Variants in SCN8A observed in about 807,000 individuals in gnomAD.
SCN8A encodes the protein sodium channel protein type 8 subunit alpha.
In SCN8A, 30 loss-of-function variants were observed where a neutral mutation model predicts 184.1. That is an observed-to-expected ratio of 0.16 (90% CI 0.12 to 0.22). The LOEUF is 0.22. SCN8A is among the 10% of genes least tolerant of loss of function. The pLI is 1.00. For missense variants in SCN8A, 1,057 were observed against 2,498.9 expected, an observed-to-expected ratio of 0.42 and a Z score of 12.30; for synonymous variants, 852 against 907.0, an observed-to-expected ratio of 0.94 and a Z score of 1.09.
intron 11 of SCN8A, among the ~76,000 whole-genome samples, chr12:51,715,549 A>G (rs1941950473): frequency 6.7e-6 from 1 of 150,354 alleles, no homozygotes; most frequent in Non-Finnish European, 1.5e-5. Context: ...TGGGCAGATC[A>G]CTTGAGGCTG....
In SCN8A at chr12:51,617,587, A is replaced by G. The variant is rs368322104; in HGVS notation, c.-55+26228A>G. ...GCCTTTGCCAATTCTAACATCTTGC[A>G]TTGATATCTGTTGATTGTCTTTTTC... On this transcript the variant is annotated intron_variant, in intron 1 of 26. Coordinates refer to ENST00000627620, the MANE Select transcript of SCN8A (RefSeq NM_001330260.2). Among the ~76,000 whole-genome samples, 121 of 152,302 alleles carry G rather than the reference A, an allele frequency of 7.9e-4. 1 individual carries two copies. The highest frequency in any genetic ancestry group is 2.4e-3 in the African/African-American group (100 of 41,566).
intron 25 of SCN8A, 74 bp downstream of exon 25, chr12:51,790,576 G>A: frequency 2.0e-6 from 2 of 980,246 alleles, no homozygotes; most frequent in Admixed American, 4.9e-5. Context: ...TACTGCAAAG[G>A]AAGGAAAAAG....
At chr12:51,729,947 ATCT>A (rs1444123753) in intron 12 of SCN8A, among the ~76,000 whole-genome samples, 1 of 152,056 alleles carries the variant, frequency 6.6e-6, no homozygotes, top group East Asian at 1.9e-4. Flanking sequence ...TTTCTCATAC[ATCT>A]TCTTTAATGA....
At chr12:51,630,111 A>G (rs1940167193) in intron 1 of SCN8A, among the ~76,000 whole-genome samples, 8 of 152,286 alleles carry the variant, frequency 5.3e-5, no homozygotes, top group Admixed American at 5.2e-4. Flanking sequence ...GTGGTAAAAT[A>G]TACATAATAT....
intron 6 of SCN8A, among the ~76,000 whole-genome samples, chr12:51,698,867 T>G (rs955694353): frequency 6.6e-6 from 1 of 152,346 alleles, no homozygotes; most frequent in East Asian, 1.9e-4. Context: ...TTATTGTACC[T>G]TCTCATTTAT....
At chr12:51,645,453 T>C in intron 1 of SCN8A, among the ~76,000 whole-genome samples, 1 of 151,784 alleles carries the variant, frequency 6.6e-6, no homozygotes, top group African/African-American at 2.4e-5. Flanking sequence ...GTCTGGGAGG[T>C]GTACCCAACA....
At chr12:51,621,762 A>C (rs1939968339) in intron 1 of SCN8A, among the ~76,000 whole-genome samples, 1 of 152,254 alleles carries the variant, frequency 6.6e-6, no homozygotes, top group Non-Finnish European at 1.5e-5. Context: ...CACGATGAGC[A>C]TCCCAACAGA....
At chr12:51,768,085 A>G (rs1050194963) in intron 16 of SCN8A, 4 of 152,114 alleles carry the variant, frequency 2.6e-5, no homozygotes, top group Non-Finnish European at 5.9e-5. Context: ...TCTCCTCCTA[A>G]AATGTATGCC....
intron 14 of SCN8A, among the ~76,000 whole-genome samples, chr12:51,754,764 C>T (rs1049231278): frequency 2.1e-4 from 32 of 152,208 alleles, no homozygotes; most frequent in Non-Finnish European, 3.5e-4. Context: ...AGAATTCCCT[C>T]AATGTGGGCT....
chr12:51,661,861 G>A lies in SCN8A; in HGVS notation c.-54-903G>A, dbSNP rs553317275. Reference sequence around the variant, plus strand: ...ACTCTTATAAACATAAATGGAAAATGAGCTTTTCAAATACCATGCTTAGAA... The same window carrying A: ...ACTCTTATAAACATAAATGGAAAATAAGCTTTTCAAATACCATGCTTAGAA... On this transcript the variant is annotated intron_variant, in intron 1 of 26. Transcript: ENST00000627620. Among the ~76,000 whole-genome samples the A allele has an allele frequency of 2.0e-5, 3 of 152,306 alleles. No individual in the cohort carries two copies. In the East Asian group the frequency reaches 5.8e-4, roughly 29 times the overall value.
intron 2 of SCN8A, among the ~76,000 whole-genome samples, chr12:51,677,952 G>A (rs868737318): frequency 2.0e-5 from 3 of 152,326 alleles, no homozygotes; most frequent in Middle Eastern, 3.4e-3. Flanking sequence ...TGGGCACCAA[G>A]TGATTGTTGT....
At chr12:51,683,946 C>T (rs1296577942) in intron 2 of SCN8A, among the ~76,000 whole-genome samples, 1 of 152,154 alleles carries the variant, frequency 6.6e-6, no homozygotes, top group African/African-American at 2.4e-5. Context: ...CAAGTTTATT[C>T]TGTAAAACTG....
At chr12:51,659,875 G>A (rs1940894267) in intron 1 of SCN8A, among the ~76,000 whole-genome samples, 1 of 152,136 alleles carries the variant, frequency 6.6e-6, no homozygotes, top group Non-Finnish European at 1.5e-5. Context: ...AAATAAGAAA[G>A]CCAGGAAGAA....
chr12:51,809,987 A>AACTT lies in SCN8A; in HGVS notation c.*2560_*2563dup, dbSNP rs1381966065. 6.6e-6 allele frequency: 1 copy of AACTT among 152,394 alleles called. No homozygotes were observed. The highest frequency in any genetic ancestry group is 2.4e-5 in the African/African-American group (1 of 41,458). 9.4% of individuals were successfully genotyped at this position (152,394 alleles called of 1,614,324 possible). ...ACCACGTCTATGCAAGATTTGGCTA[A>AACTT]ACTTAATAATTGTTCTTAGGTCTTG... On this transcript the variant is annotated 3_prime_UTR_variant, in exon 27 of 27. Coordinates refer to ENST00000627620, the MANE Select transcript of SCN8A (RefSeq NM_001330260.2).
intron 21 of SCN8A, among the ~76,000 whole-genome samples, chr12:51,781,129 GAA>G (rs1937907992): frequency 1.3e-5 from 2 of 152,134 alleles, no homozygotes; most frequent in African/African-American, 4.8e-5. Flanking sequence ...CAGACCCACT[GAA>G]AAGCACAAGC....
At chr12:51,778,931 C>T (rs933986934) in intron 20 of SCN8A, among the ~76,000 whole-genome samples, 3 of 152,052 alleles carry the variant, frequency 2.0e-5, no homozygotes, top group Non-Finnish European at 2.9e-5. Context: ...AAACCCAGAA[C>T]CCAGCCAGGC....
At chr12:51,636,472 A>T (rs1940320738) in intron 1 of SCN8A, among the ~76,000 whole-genome samples, 1 of 152,226 alleles carries the variant, frequency 6.6e-6, no homozygotes, top group African/African-American at 2.4e-5. Context: ...AACAAATGTC[A>T]TACTCCCAAA....
intron 20 of SCN8A, among the ~76,000 whole-genome samples, chr12:51,776,748 T>C (rs991967572): frequency 1.4e-4 from 21 of 152,352 alleles, no homozygotes; most frequent in African/African-American, 4.8e-4. Context: ...GTGTCTGATT[T>C]CTTTGGCATT....
In SCN8A at chr12:51,639,879, CTTTTTTTTTTTTTTTTTTTT is replaced by C. The variant is rs71092712; in HGVS notation, c.-54-22866_-54-22847del. ...AGTATTTTTTGAATTAAGGTATATGCTTTTTTTTTTTTTTTTTTTTTTTTTTTTTTTTTTTTTTGAGATGG... is the reference window on the plus strand; with the variant it reads ...AGTATTTTTTGAATTAAGGTATATGCTTTTTTTTTTTTTTTTTTGAGATGG... On this transcript the variant is annotated intron_variant, in intron 1 of 26. Transcript: ENST00000627620. 6.4e-3 allele frequency among the ~76,000 whole-genome samples: 97 copies of C among 15,068 alleles called. 1 individual carries two copies. Among genetic ancestry groups the C allele is most frequent in the Non-Finnish European group, 9.0e-3 (81 of 9,002 alleles). The allele number at this position is 15,068 out of a possible 152,430, so 9.9% of individuals were successfully genotyped here.
Sources: gnomAD v4.1 joint callset for allele counts (sites outside exome capture counted in the v4.1 genomes callset) on GRCh38, gnomAD v4.1.1 for gene constraint, MANE v1.5 for transcripts, NCBI Gene and HGNC (gene_info 2026-07-23, HGNC 2026-07-21) for gene names.